Variants in WWC1 observed in about 807,000 individuals in gnomAD.
The protein encoded by WWC1 is protein KIBRA.
Under a neutral mutation model 138.4 loss-of-function variants are expected in WWC1, and 55 were observed. The observed-to-expected ratio is 0.40, with a 90% confidence interval of 0.32 to 0.50. The LOEUF (loss-of-function observed/expected upper bound fraction) is 0.50, where lower values mean the gene tolerates loss of function less well. WWC1 is among the 20% of genes least tolerant of loss of function. The pLI, the probability that WWC1 is intolerant of heterozygous loss-of-function variation, is 0.72. For missense variants in WWC1, 1,226 were observed against 1,420.4 expected, an observed-to-expected ratio of 0.86 and a Z score of 2.20; for synonymous variants, 524 against 564.9, an observed-to-expected ratio of 0.93 and a Z score of 1.03.
chr5:168,362,688 G>T (rs73801888), intron 1 of WWC1, among the ~76,000 whole-genome samples: 1 of 152,198 alleles, frequency 6.6e-6, no homozygotes, highest in Non-Finnish European at 1.5e-5. Context: ...CACACAGAGG[G>T]GATTAGCAGC....
Position 168,292,330 on chromosome 5 carries a change from C to G in WWC1, c.119+59C>G. 1 of 1,528,252 alleles carries G rather than the reference C, an allele frequency of 6.5e-7. No homozygotes were observed. Among genetic ancestry groups the G allele is most frequent in the South Asian group, 1.2e-5 (1 of 81,496 alleles). The allele number at this position is 1,528,252 out of a possible 1,614,324, so 94.7% of individuals were successfully genotyped here. Reference sequence around the variant, plus strand: ...ACCCCCGCCTGGGCCCCCACCTGCCCCTGGAGCCGCCGGCCGGGACTGGGA... The same window carrying G: ...ACCCCCGCCTGGGCCCCCACCTGCCGCTGGAGCCGCCGGCCGGGACTGGGA... On this transcript the variant is annotated intron_variant, in intron 1 of 22. Transcript: ENST00000265293. The surrounding 1 kb of genome is among the most constrained non-coding windows in gnomAD (Gnocchi z 4.4).
At chr5:168,391,760 CATATATATAT>C (rs70976481) in intron 3 of WWC1, among the ~76,000 whole-genome samples, 3,187 of 110,558 alleles carry the variant, frequency 0.029, 157 homozygotes, top group African/African-American at 0.1. Flanking sequence ...ATTTTTAAGG[CATATATATAT>C]ATATATATAT....
intron 1 of WWC1, among the ~76,000 whole-genome samples, chr5:168,354,841 G>A (rs1247764514): frequency 6.6e-6 from 1 of 152,194 alleles, no homozygotes; most frequent in Admixed American, 6.5e-5. Context: ...AGGCCCTGGA[G>A]TAGGGCTATA....
chr5:168,323,921 CA>C (rs1366591512), intron 1 of WWC1, among the ~76,000 whole-genome samples: 8 of 152,068 alleles, frequency 5.3e-5, no homozygotes, highest in Non-Finnish European at 1.2e-4. Context: ...TACAGGAGAA[CA>C]GTAAGAATAC....
At chr5:168,450,670 A>AGT in intron 17 of WWC1, among the ~76,000 whole-genome samples, 1 of 152,168 alleles carries the variant, frequency 6.6e-6, no homozygotes, top group African/African-American at 2.4e-5. Context: ...CATCTCAAAA[A>AGT]AATAAAATAA....
At chr5:168,395,142 A>G (rs1042125448) in intron 3 of WWC1, among the ~76,000 whole-genome samples, 3 of 152,200 alleles carry the variant, frequency 2.0e-5, no homozygotes, top group African/African-American at 7.2e-5. Flanking sequence ...CTACACAGCC[A>G]ACCTCTCCCT....
At chr5:168,377,907 C>T (rs1167646908) in intron 2 of WWC1, among the ~76,000 whole-genome samples, 1 of 152,172 alleles carries the variant, frequency 6.6e-6, no homozygotes, top group Middle Eastern at 3.2e-3. Context: ...CCATTCAACC[C>T]AGCAGTCCTA....
intron 1 of WWC1, among the ~76,000 whole-genome samples, chr5:168,331,453 C>T (rs1356577217): frequency 1.3e-5 from 2 of 152,180 alleles, no homozygotes; most frequent in Non-Finnish European, 2.9e-5. Context: ...CACTGGGTTA[C>T]CTGCCTGGGT....
rs1345887940 is a variant in WWC1, at chr5:168,401,030, GAGA to G, written c.590+1466_590+1468del. Among the ~76,000 whole-genome samples the G allele has an allele frequency of 3.3e-5, 5 of 151,684 alleles. No homozygotes were observed. In the East Asian group the frequency reaches 5.8e-4, roughly 18 times the overall value. ...AAGGAAGGAAGGAGAGAGGAAGAAA[GAGA>G]AGGAGAGAGAGAGAAAGCAAGCCCT... On this transcript the variant is annotated intron_variant, in intron 5 of 22. Coordinates refer to ENST00000265293, the MANE Select transcript of WWC1 (RefSeq NM_015238.3).
chr5:168,441,043 G>A (rs1403454052), intron 15 of WWC1, among the ~76,000 whole-genome samples: 1 of 152,156 alleles, frequency 6.6e-6, no homozygotes, highest in East Asian at 1.9e-4. Context: ...CCGCACTCCA[G>A]CCTGGGCAAC....
intron 1 of WWC1, among the ~76,000 whole-genome samples, chr5:168,350,745 C>A (rs1375172295): frequency 6.6e-6 from 1 of 152,224 alleles, no homozygotes; most frequent in Admixed American, 6.5e-5. Context: ...GTTTATTGAG[C>A]ATCTAAGACA....
intron 9 of WWC1, among the ~76,000 whole-genome samples, chr5:168,416,877 A>AT (rs1331401193): frequency 2.0e-5 from 3 of 151,954 alleles, no homozygotes; most frequent in Admixed American, 2.0e-4. Context: ...TTTTATTTTT[A>AT]TTTTTTTCGA....
At chr5:168,426,241 C>CTA (rs896888454) in intron 11 of WWC1, among the ~76,000 whole-genome samples, 32 of 152,162 alleles carry the variant, frequency 2.1e-4, no homozygotes, top group African/African-American at 7.5e-4. Flanking sequence ...AAGCGCCCTA[C>CTA]TATAGCAGGT....
rs76513517 is a variant in WWC1, at chr5:168,432,678, C to T, written c.2280+1234C>T. ...CTGGGAGCTTGTTGTGTCCCCACCC[C>T]TGTGTCTGGGGCTGGGGATTCAATG... On this transcript the variant is annotated intron_variant, in intron 15 of 22. Transcript: ENST00000265293. Among the ~76,000 whole-genome samples, 327 of 152,246 alleles carry T rather than the reference C, an allele frequency of 2.1e-3. 6 individuals are homozygous for T. In the East Asian group the frequency reaches 0.043, roughly 20 times the overall value.
intron 3 of WWC1, among the ~76,000 whole-genome samples, chr5:168,390,501 C>T (rs148650924): frequency 1.2e-3 from 176 of 152,294 alleles, no homozygotes; most frequent in African/African-American, 3.8e-3. Flanking sequence ...TCATTTCAGG[C>T]AACTGGATCT....
intron 9 of WWC1, among the ~76,000 whole-genome samples, chr5:168,421,156 G>A (rs1329238025): frequency 6.6e-6 from 1 of 152,186 alleles, no homozygotes. Flanking sequence ...CTTTCCATCT[G>A]TGACGCCTCC....
At chr5:168,346,491 G>T (rs954018587) in intron 1 of WWC1, among the ~76,000 whole-genome samples, 3 of 152,132 alleles carry the variant, frequency 2.0e-5, no homozygotes, top group Admixed American at 2.0e-4. Flanking sequence ...CAGAATGAAG[G>T]CATCTGGGGA....
intron 17 of WWC1, among the ~76,000 whole-genome samples, chr5:168,453,164 C>T (rs1561787967): frequency 6.6e-6 from 1 of 151,484 alleles, no homozygotes; most frequent in Non-Finnish European, 1.5e-5. Flanking sequence ...GTGGAGGCTA[C>T]AGTGAGCCAA....
chr5:168,314,804 G>A (rs577763664), intron 1 of WWC1, among the ~76,000 whole-genome samples: 4 of 152,162 alleles, frequency 2.6e-5, no homozygotes, highest in Non-Finnish European at 5.9e-5. Flanking sequence ...TGAGAGGCTC[G>A]TGAAGCAACT....
Sources: gnomAD v4.1 joint callset for allele counts (sites outside exome capture counted in the v4.1 genomes callset) on GRCh38, gnomAD v4.1.1 for gene constraint, Gnocchi (gnomAD v3.1) non-coding constraint, MANE v1.5 for transcripts, NCBI Gene and HGNC (gene_info 2026-07-23, HGNC 2026-07-21) for gene names.